The following PIK3C3 variants were observed in gnomAD, a reference collection of about 807,000 sequenced individuals.
PIK3C3 encodes phosphatidylinositol 3-kinase catalytic subunit type 3, also known as PI3-kinase type 3.
Under a neutral mutation model 126.1 loss-of-function variants are expected in PIK3C3, and 95 were observed. The ratio of observed to expected loss-of-function variants is 0.75; its 90% confidence interval spans 0.64 to 0.89. PIK3C3 has a LOEUF of 0.89. Ranked by LOEUF, PIK3C3 falls within the 40% of genes least tolerant of loss-of-function variation. The pLI is 0.00. For missense variants in PIK3C3, 829 were observed against 1,063.2 expected (o/e 0.78, Z 3.06); for synonymous variants, 374 against 360.0 (o/e 1.04, Z -0.44).
intron 4 of PIK3C3, among the ~76,000 whole-genome samples, chr18:41,973,087 A>G (rs970611718): frequency 6.6e-6 from 1 of 152,080 alleles, no homozygotes; most frequent in Non-Finnish European, 1.5e-5. Flanking sequence ...AATTGATTCT[A>G]AAAGTACTGA....
chr18:42,061,594 G>A (rs547334348), intron 22 of PIK3C3, among the ~76,000 whole-genome samples: 1 of 152,044 alleles, frequency 6.6e-6, no homozygotes, highest in African/African-American at 2.4e-5. Context: ...AAAAAAAAGT[G>A]GCCTTTAAAT....
At chr18:41,958,573 C>T (rs757868695) in intron 2 of PIK3C3, among the ~76,000 whole-genome samples, 7 of 152,156 alleles carry the variant, frequency 4.6e-5, no homozygotes, top group Non-Finnish European at 5.9e-5. Flanking sequence ...AGCCTGAACT[C>T]TGGTGATCTG....
chr18:42,001,020 A>G (rs1050018337), intron 9 of PIK3C3, among the ~76,000 whole-genome samples: 2 of 152,160 alleles, frequency 1.3e-5, no homozygotes, highest in African/African-American at 4.8e-5. Context: ...AAGCAGCAAA[A>G]TAGACATTTC....
intron 20 of PIK3C3, chr18:42,049,283 C>G: frequency 2.9e-6 from 1 of 344,474 alleles, no homozygotes; most frequent in Non-Finnish European, 5.3e-6. Context: ...GTCTCCTGAA[C>G]CTAACTTAAG....
intron 22 of PIK3C3, among the ~76,000 whole-genome samples, chr18:42,062,126 C>A (rs961539261): frequency 2.0e-5 from 3 of 152,160 alleles, no homozygotes; most frequent in South Asian, 2.1e-4. Context: ...ACTTTGTATT[C>A]TCCTTATGTT....
At chr18:42,001,262 T>A (rs567956801) in intron 9 of PIK3C3, among the ~76,000 whole-genome samples, 1 of 152,306 alleles carries the variant, frequency 6.6e-6, no homozygotes, top group East Asian at 1.9e-4. Flanking sequence ...TTACAAACAT[T>A]TTACATTCAT....
chr18:42,064,959 T>G (rs1320713716), intron 23 of PIK3C3, 129 bp downstream of exon 23: 2 of 584,126 alleles, frequency 3.4e-6, no homozygotes, highest in Non-Finnish European at 6.3e-6. Context: ...GTCACATGAA[T>G]AGGTTCTCTC....
intron 3 of PIK3C3, among the ~76,000 whole-genome samples, chr18:41,962,985 TG>T (rs1980173468): frequency 6.6e-6 from 1 of 152,106 alleles, no homozygotes; most frequent in Non-Finnish European, 1.5e-5. Flanking sequence ...ACAGAAAGGA[TG>T]AAAAACAGGA....
At chr18:42,053,153 A>G (rs1416631746) in intron 21 of PIK3C3, 1 of 152,164 alleles carries the variant, frequency 6.6e-6, no homozygotes, top group African/African-American at 2.4e-5. Context: ...AAACTATTCT[A>G]CCCTGTAAAT....
At chr18:41,986,512 T>A (rs954324889) in intron 4 of PIK3C3, among the ~76,000 whole-genome samples, 1 of 152,078 alleles carries the variant, frequency 6.6e-6, no homozygotes, top group Admixed American at 6.6e-5. Flanking sequence ...AATACTTGAA[T>A]TTTATTGATG....
At chr18:42,067,358 G>GT in intron 23 of PIK3C3, 30 bp from the exon 24 acceptor site, 1 of 1,607,862 alleles carries the variant, frequency 6.2e-7, no homozygotes, top group Admixed American at 1.7e-5. Context: ...ATTTTTCTTC[G>GT]TTGTAAAGAC....
chr18:41,955,325 A>G lies in PIK3C3; in HGVS notation c.34A>G (p.Ser12Gly), dbSNP rs375875992. The change falls in exon 1 of 25, where the codon AGT becomes GGT. Residue 12 changes from serine to glycine, a missense_variant. Transcript: ENST00000262039. ...GEAEKFHYIY[S>G]CDLDINVQLK... is the part of the protein sequence containing the mutation. Reference sequence around the variant, plus strand: ...AGCAGAGAAGTTTCACTACATCTATAGTTGTGACCTGGATATCAACGTCCA... The same window carrying G: ...AGCAGAGAAGTTTCACTACATCTATGGTTGTGACCTGGATATCAACGTCCA... 7 of 1,613,596 alleles carry G rather than the reference A, an allele frequency of 4.3e-6. No individual in the cohort carries two copies. The highest frequency in any genetic ancestry group is 1.7e-4 in the Middle Eastern group (1 of 6,056).
chr18:42,035,568 A>C (rs1316093029), intron 16 of PIK3C3, among the ~76,000 whole-genome samples: 1 of 152,146 alleles, frequency 6.6e-6, no homozygotes, highest in Non-Finnish European at 1.5e-5. Flanking sequence ...GTATATGGGC[A>C]TTCTTAAAAA....
chr18:42,015,398 C>A, intron 11 of PIK3C3, 78 bp from the exon 12 acceptor site: 1 of 1,029,214 alleles, frequency 9.7e-7, no homozygotes, highest in Non-Finnish European at 1.5e-6. Flanking sequence ...TTGAAGTGAA[C>A]TGTTCCATAA....
chr18:42,078,148 C>T (rs886394295), intron 24 of PIK3C3, among the ~76,000 whole-genome samples: 3 of 151,694 alleles, frequency 2.0e-5, no homozygotes, highest in South Asian at 2.1e-4. Flanking sequence ...GAGGCCGAGG[C>T]GGGTGGATCA....
chr18:42,074,093 A>T (rs992698369), intron 24 of PIK3C3, among the ~76,000 whole-genome samples: 2 of 152,038 alleles, frequency 1.3e-5, no homozygotes, highest in Non-Finnish European at 2.9e-5. Context: ...GGGTCAGTGG[A>T]ATTTTGTTTT....
intron 24 of PIK3C3, among the ~76,000 whole-genome samples, chr18:42,079,414 C>T (rs961014240): frequency 2.0e-5 from 3 of 152,062 alleles, no homozygotes; most frequent in Admixed American, 1.3e-4. Flanking sequence ...TAACGAAGAT[C>T]GCTGATCATA....
At chr18:42,038,369 G>A (rs1984153779) in intron 17 of PIK3C3, among the ~76,000 whole-genome samples, 1 of 151,666 alleles carries the variant, frequency 6.6e-6, no homozygotes, top group South Asian at 2.1e-4. Flanking sequence ...TTGAGATGGA[G>A]TTTTGCTTTT....
Position 41,957,763 on chromosome 18 carries a change from GTTTT to G in PIK3C3, c.257+9_257+12del. The G allele has an allele frequency of 6.2e-7, 1 of 1,605,188 alleles. No homozygotes were observed. Among genetic ancestry groups the G allele is most frequent in the Non-Finnish European group, 8.5e-7 (1 of 1,176,554 alleles). ...AGCATTTAGTACAAGATGGAAGTAA[GTTTT>G]TTTGTGGCATATGGTATGTTACAGA... On this transcript the variant is annotated splice_donor_region_variant and intron_variant, in intron 2 of 24. Coordinates refer to ENST00000262039, the MANE Select transcript of PIK3C3 (RefSeq NM_002647.4).
Sources: allele counts gnomAD v4.1 joint callset (sites outside exome capture counted in the v4.1 genomes callset), GRCh38; gene constraint gnomAD v4.1.1; transcripts MANE v1.5; gene names NCBI Gene and HGNC (gene_info 2026-07-23, HGNC 2026-07-21).